Variants in BCL2L13 observed in about 807,000 individuals in gnomAD.
BCL2L13 encodes bcl-2-like protein 13.
A neutral mutation model predicts 25.8 loss-of-function variants in BCL2L13; 13 were observed. The observed-to-expected ratio is 0.50, with a 90% CI of 0.33 to 0.80. The LOEUF (loss-of-function observed/expected upper bound fraction) is 0.80, where lower values mean the gene tolerates loss of function less well. Ranked by LOEUF, BCL2L13 falls within the 30% of genes least tolerant of loss-of-function variation. BCL2L13 has a pLI of 0.02. For synonymous variants in BCL2L13, 244 were observed against 230.3 expected, an observed-to-expected ratio of 1.06 and a Z score of -0.54; for missense variants, 504 against 574.9, an observed-to-expected ratio of 0.88 and a Z score of 1.26.
intron 6 of BCL2L13, among the ~76,000 whole-genome samples, chr22:17,725,408 AC>A (rs1199822576): frequency 1.3e-5 from 2 of 151,850 alleles, no homozygotes; most frequent in East Asian, 3.9e-4. Flanking sequence ...TCTTCTGTGT[AC>A]CCTTCGCCTG....
intron 5 of BCL2L13, among the ~76,000 whole-genome samples, chr22:17,696,883 G>A (rs116288596): frequency 6.6e-6 from 1 of 152,064 alleles, no homozygotes; most frequent in South Asian, 2.1e-4. Flanking sequence ...AGAAGGCAGG[G>A]TATAGGGGGA....
chr22:17,642,180 A>G (rs2146396311), intron 1 of BCL2L13, among the ~76,000 whole-genome samples: 3 of 124,512 alleles, frequency 2.4e-5, no homozygotes, highest in African/African-American at 9.5e-5. Context: ...GCCAGGCTGG[A>G]GTGCAGTGGC....
At chr22:17,684,933 C>T (rs765575878) in intron 3 of BCL2L13, among the ~76,000 whole-genome samples, 11 of 152,032 alleles carry the variant, frequency 7.2e-5, no homozygotes, top group South Asian at 2.1e-4. Flanking sequence ...GGGGTTTCAG[C>T]GTGTTAGCCA....
chr22:17,639,803 C>G (rs1203653884), intron 1 of BCL2L13, among the ~76,000 whole-genome samples: 3 of 151,720 alleles, frequency 2.0e-5, no homozygotes, highest in African/African-American at 4.8e-5. Context: ...TTGCTCTCTG[C>G]CCTGACTAGT....
In BCL2L13 at chr22:17,727,586, G is replaced by C; in HGVS notation, c.*52G>C. The stretch of plus-strand genomic sequence containing the variant: ...AGGATGTAAGGTTGGAGTTGTATTG[G>C]CTGGAATTTGAACCTCCAGCAGCTG... On this transcript the variant is annotated 3_prime_UTR_variant, in exon 7 of 7. Transcript: ENST00000317582. 1 of 1,592,970 alleles carries C rather than the reference G, an allele frequency of 6.3e-7. No individual in the cohort carries two copies. Among genetic ancestry groups the C allele is most frequent in the Non-Finnish European group, 8.6e-7 (1 of 1,168,904 alleles).
chr22:17,660,346 T>C (rs111420248), intron 2 of BCL2L13, among the ~76,000 whole-genome samples: 4 of 146,826 alleles, frequency 2.7e-5, no homozygotes, highest in African/African-American at 7.3e-5. Context: ...CAATCCATTG[T>C]ACCAGTTGAG....
chr22:17,636,133 G>A (rs148642953), upstream of BCL2L13, among the ~76,000 whole-genome samples: 4,713 of 149,938 alleles, frequency 0.031, 234 homozygotes, highest in African/African-American at 0.11. Context: ...AGAGCAGCCT[G>A]GCCAACACAC....
rs552781390 is a variant in BCL2L13 at position 17,638,761 on chromosome 22, T to C, written c.-176T>C. 81 of 1,231,620 alleles carry C rather than the reference T, an allele frequency of 6.6e-5. 1 individual carries two copies. The East Asian group carries it at 2.2e-3, about 34-fold the overall frequency. The allele number at this position is 1,231,620 out of a possible 1,614,324, so 76.3% of individuals were successfully genotyped here. ...AAGGCACGCCGGGGTGACCTCACCC[T>C]CCAACATGGCGGCGGCGGTAGATTA... On this transcript the variant is annotated 5_prime_UTR_variant, in exon 1 of 7. Transcript: ENST00000317582.
Position 17,726,363 on chromosome 22 carries a change from A to C in BCL2L13, c.601-314A>C, listed in dbSNP as rs903933396. On this transcript the variant is annotated intron_variant, in intron 6 of 6. Transcript: ENST00000317582. The stretch of plus-strand genomic sequence containing the variant: ...AAGACTCCATCTTAAAAAAAAAAAA[A>C]AAAAAACCTCAGATTTTGGATCATT... Among the ~76,000 whole-genome samples, 457 of 152,144 alleles carry C rather than the reference A, an allele frequency of 3.0e-3. 6 individuals are homozygous for C. Among genetic ancestry groups the C allele is most frequent in the African/African-American group, 0.01 (421 of 41,510 alleles).
chr22:17,683,702 A>G (rs2059821992), intron 3 of BCL2L13, among the ~76,000 whole-genome samples: 1 of 151,690 alleles, frequency 6.6e-6, no homozygotes, highest in South Asian at 2.1e-4. Flanking sequence ...TATATACTAT[A>G]GATAACTGTA....
Position 17,683,157 on chromosome 22 carries a change from A to C in BCL2L13, c.122-57A>C, listed in dbSNP as rs888572962. ...CAAAAAAAAAAAAAAAAGTGCTATT[A>C]TATTCTAATGGTTTCTCTCTCCCTC... On this transcript the variant is annotated intron_variant, in intron 2 of 6. Coordinates refer to ENST00000317582, the MANE Select transcript of BCL2L13 (RefSeq NM_015367.4). 7 of 949,058 alleles carry C rather than the reference A, an allele frequency of 7.4e-6. No homozygotes were observed. In the East Asian group the frequency reaches 1.3e-4, roughly 17 times the overall value. 58.8% of individuals were successfully genotyped at this position (949,058 alleles called of 1,614,324 possible).
In BCL2L13 at chr22:17,727,118, C is replaced by T. The variant is rs761341838; in HGVS notation, c.1042C>T (p.His348Tyr). The T allele has an allele frequency of 6.2e-7, 1 of 1,614,212 alleles. No homozygotes were observed. The highest frequency in any genetic ancestry group is 1.1e-5 in the South Asian group (1 of 91,086). ...LPEAPAPLLP[H>Y]ITATSLLGTR... ...TGAAGCCCCAGCTCCCTTGCTTCCA[C>T]ATATCACTGCCACCTCCCTGCTGGG... Residue 348 changes from histidine (H) to tyrosine (Y), a missense_variant, in exon 7 of 7, where the codon CAT becomes TAT. By Grantham distance (83) the His-to-Tyr change is moderately conservative (BLOSUM62 2). Coordinates refer to ENST00000317582, the MANE Select transcript of BCL2L13 (RefSeq NM_015367.4).
At chr22:17,679,905 C>T (rs1406073144) in intron 2 of BCL2L13, among the ~76,000 whole-genome samples, 1 of 151,964 alleles carries the variant, frequency 6.6e-6, no homozygotes, top group Non-Finnish European at 1.5e-5. Context: ...GCAAGTTTCC[C>T]AGACAAGGCT....
At position 17,688,996 on chromosome 22, in the gene BCL2L13, C is replaced by A. The variant is rs763635282; in HGVS notation, c.240C>A (p.Ser80Arg). The A allele has an allele frequency of 6.2e-7, 1 of 1,613,290 alleles. No individual in the cohort carries two copies. Among genetic ancestry groups the A allele is most frequent in the South Asian group, 1.1e-5 (1 of 90,956 alleles). Residue 80 changes from serine to arginine, a missense_variant, in exon 4 of 7, where the codon AGC becomes AGA. Ser to Arg is a moderately radical substitution (Grantham distance 110). Coordinates refer to ENST00000317582, the MANE Select transcript of BCL2L13 (RefSeq NM_015367.4). ...LDKEISEAFT[S>R]TGFDRHTSPV... ...TTGTCCTATCTTCAGCCTTCACCAG[C>A]ACAGGCTTTGACCGTCACACTTCTC...
intron 6 of BCL2L13, among the ~76,000 whole-genome samples, chr22:17,721,923 G>A (rs545543679): frequency 1.3e-5 from 2 of 152,146 alleles, no homozygotes. Flanking sequence ...GCCTCCCAAA[G>A]TGCTGGGATT....
At chr22:17,700,502 T>C (rs964041750) in intron 5 of BCL2L13, among the ~76,000 whole-genome samples, 4 of 152,204 alleles carry the variant, frequency 2.6e-5, no homozygotes, top group East Asian at 1.9e-4. Context: ...TGTTACATTA[T>C]TGTGGATTAT....
upstream of BCL2L13, among the ~76,000 whole-genome samples, chr22:17,636,799 A>G (rs1400115077): frequency 6.6e-6 from 1 of 152,082 alleles, no homozygotes; most frequent in Non-Finnish European, 1.5e-5. Flanking sequence ...GTCTCGAGAA[A>G]ATAATAATAA....
At chr22:17,692,884 A>G (rs539134088) in intron 4 of BCL2L13, among the ~76,000 whole-genome samples, 4 of 152,354 alleles carry the variant, frequency 2.6e-5, no homozygotes, top group African/African-American at 7.2e-5. Flanking sequence ...AAATATTTCA[A>G]CATGTATTCA....
intron 4 of BCL2L13, among the ~76,000 whole-genome samples, chr22:17,695,050 C>T (rs1454294009): frequency 6.6e-6 from 1 of 152,106 alleles, no homozygotes; most frequent in African/African-American, 2.4e-5. Flanking sequence ...CGTAGCAATG[C>T]GAGGAACCAC....
Sources: gnomAD v4.1 joint callset for allele counts (sites outside exome capture counted in the v4.1 genomes callset) on GRCh38, gnomAD v4.1.1 for gene constraint, MANE v1.5 for transcripts, NCBI Gene and HGNC (gene_info 2026-07-23, HGNC 2026-07-21) for gene names.